Variants in GPCPD1 observed in about 807,000 individuals in gnomAD.
GPCPD1 encodes the protein glycerophosphocholine phosphodiesterase GPCPD1.
GPCPD1 carries 29 observed loss-of-function variants against 89.2 expected under a neutral mutation model. That is an observed-to-expected ratio of 0.33 (90% CI 0.24 to 0.44). The LOEUF (loss-of-function observed/expected upper bound fraction) is 0.44. GPCPD1 is among the 20% of genes least tolerant of loss of function. The pLI, the probability that GPCPD1 is intolerant of heterozygous loss-of-function variation, is 1.00. For synonymous variants in GPCPD1, 258 were observed against 266.3 expected (o/e 0.97, Z 0.30); for missense variants, 594 against 808.9 (o/e 0.73, Z 3.22).
rs1985486246 is a variant in GPCPD1 at position 5,552,594 on chromosome 20, C to A, written c.1830-4744G>T. On this transcript the variant is annotated intron_variant, in intron 19 of 19. Transcript: ENST00000379019. The stretch of plus-strand genomic sequence containing the variant: ...AATCATTCCTTGTAACAAAAATACA[C>A]ATATAACCATATACATTCAAAAATT... 2.0e-5 allele frequency among the ~76,000 whole-genome samples: 3 copies of A among 152,298 alleles called. No homozygotes were observed. In the South Asian group the frequency reaches 6.2e-4, roughly 32 times the overall value.
intron 1 of GPCPD1, among the ~76,000 whole-genome samples, chr20:5,610,446 G>C (rs1980889377): frequency 6.6e-6 from 1 of 152,056 alleles, no homozygotes; most frequent in Non-Finnish European, 1.5e-5. Context: ...GGCCGCTGTG[G>C]GGCAGGGGAT....
Position 5,552,692 on chromosome 20 carries a change from T to A in GPCPD1, c.1830-4842A>T, listed in dbSNP as rs117620785. 7.6e-3 allele frequency among the ~76,000 whole-genome samples: 1,153 copies of A among 152,378 alleles called. 9 individuals carry two copies. Among genetic ancestry groups the A allele is most frequent in the Non-Finnish European group, 0.013 (897 of 68,038 alleles). On this transcript the variant is annotated intron_variant, in intron 19 of 19. Transcript: ENST00000379019. ...TAGTTGGAAATGCTGAAGAGCGCTA[T>A]GCGTCACTCATGCTATTTCATGCAA...
chr20:5,551,310 A>G (rs775174103), intron 19 of GPCPD1, among the ~76,000 whole-genome samples: 3 of 152,220 alleles, frequency 2.0e-5, no homozygotes, highest in Non-Finnish European at 4.4e-5. Context: ...GAAGTATCTA[A>G]AGGACACTTG....
At chr20:5,576,506 T>C (rs1978289306) in intron 8 of GPCPD1, among the ~76,000 whole-genome samples, 1 of 152,082 alleles carries the variant, frequency 6.6e-6, no homozygotes, top group Admixed American at 6.6e-5. Flanking sequence ...GGGGTAGAAC[T>C]GATAAGAGAT....
At chr20:5,569,400 T>C (rs1188623179) in intron 12 of GPCPD1, among the ~76,000 whole-genome samples, 1 of 152,234 alleles carries the variant, frequency 6.6e-6, no homozygotes, top group Admixed American at 6.5e-5. Context: ...TTACATAGTA[T>C]ACTGACGTTT....
At chr20:5,603,022 G>A (rs11087687) in intron 2 of GPCPD1, among the ~76,000 whole-genome samples, 21,413 of 150,336 alleles carry the variant, frequency 0.14, 1,701 homozygotes, top group South Asian at 0.19. Flanking sequence ...GGCTGGGCAC[G>A]GTGGCTCCTA....
At chr20:5,561,643 A>G in intron 15 of GPCPD1, 113 bp from the exon 16 acceptor site, 1 of 589,988 alleles carries the variant, frequency 1.7e-6, no homozygotes. Flanking sequence ...ATTAGTAGCA[A>G]TAAAATGTTT....
chr20:5,548,127 G>A (rs1985138328), intron 19 of GPCPD1: 1 of 208,986 alleles, frequency 4.8e-6, no homozygotes, highest in Non-Finnish European at 9.5e-6. Context: ...AAAATGAAAT[G>A]TCTAGTTTAC....
At chr20:5,562,062 A>C (rs1489693548) in intron 15 of GPCPD1, among the ~76,000 whole-genome samples, 2 of 152,244 alleles carry the variant, frequency 1.3e-5, no homozygotes, top group Non-Finnish European at 2.9e-5. Context: ...AAAAAGTTAT[A>C]ATTTATATAA....
intron 2 of GPCPD1, among the ~76,000 whole-genome samples, chr20:5,601,808 C>T (rs1217522377): frequency 6.6e-6 from 1 of 152,312 alleles, no homozygotes. Context: ...CAGTGGTTCA[C>T]TTGCCTCTTA....
rs1417056644 is a variant in GPCPD1, at chr20:5,575,720, TATTA to T, written c.868+92_868+95del. 30 of 949,924 alleles carry T rather than the reference TATTA, an allele frequency of 3.2e-5. No individual in the cohort carries two copies. The East Asian group carries it at 6.9e-4, about 22-fold the overall frequency. The allele number at this position is 949,924 out of a possible 1,614,324, so 58.8% of individuals were successfully genotyped here. A position where few individuals can be genotyped will look rare whatever the true frequency, so the allele number is the denominator to read the frequency against. On this transcript the variant is annotated intron_variant, in intron 9 of 19. Transcript: ENST00000379019. ...TCCTTAAATTGATACTAAAGCAAAT[TATTA>T]ATTTCATCTTTATCATTATCAAATA...
intron 12 of GPCPD1, among the ~76,000 whole-genome samples, chr20:5,568,844 T>TGGA (rs1986547082): frequency 6.6e-6 from 1 of 151,964 alleles, no homozygotes; most frequent in African/African-American, 2.4e-5. Flanking sequence ...ACCCAGGAGG[T>TGGA]GGAGGTTGAG....
At chr20:5,589,088 T>C in intron 4 of GPCPD1, among the ~76,000 whole-genome samples, 1 of 152,134 alleles carries the variant, frequency 6.6e-6, no homozygotes, top group East Asian at 1.9e-4. Flanking sequence ...TAAAACCACC[T>C]AGACTTGAAT....
intron 16 of GPCPD1, 51 bp from the exon 17 acceptor site, chr20:5,560,127 G>A (rs376303745): frequency 1.7e-5 from 23 of 1,330,984 alleles, no homozygotes; most frequent in East Asian, 7.9e-5. Flanking sequence ...TAAAATCAGT[G>A]CTAGCAACTC....
Position 5,558,754 on chromosome 20 carries a change from G to A in GPCPD1, c.1598C>T (p.Pro533Leu), listed in dbSNP as rs973976269. 1.3e-6 allele frequency: 2 copies of A among 1,598,364 alleles called. No individual in the cohort carries two copies. Among genetic ancestry groups the A allele is most frequent in the Non-Finnish European group, 8.5e-7 (1 of 1,170,592 alleles). ...FLTQGKSEIYPELMDLRSRTT... is the reference protein window; with the variant it reads ...FLTQGKSEIYLELMDLRSRTT... The stretch of plus-strand genomic sequence containing the variant: ...CCGAGATCTGAGGTCCATGAGTTCA[G>A]GATAAATCTCAGATTTTCCTTGAGT... The change falls in exon 18 of 20, where the codon CCT becomes CTT. Residue 533 changes from proline to leucine, a missense_variant. Transcript: ENST00000379019.
chr20:5,561,751 G>A (rs1986093924), intron 15 of GPCPD1, among the ~76,000 whole-genome samples: 2 of 152,208 alleles, frequency 1.3e-5, no homozygotes, highest in South Asian at 4.1e-4. Flanking sequence ...AGCAAAAGCA[G>A]GAGTCTCAGG....
At chr20:5,569,670 T>C (rs1986596520) in intron 12 of GPCPD1, among the ~76,000 whole-genome samples, 1 of 152,134 alleles carries the variant, frequency 6.6e-6, no homozygotes. Context: ...CCTTTTCAGC[T>C]AAAAAGTATT....
At chr20:5,573,338 G>A (rs1016299005) in intron 11 of GPCPD1, among the ~76,000 whole-genome samples, 3 of 151,968 alleles carry the variant, frequency 2.0e-5, no homozygotes, top group Non-Finnish European at 2.9e-5. Context: ...TGCCCATCTC[G>A]GCCTCCCAAA....
At chr20:5,561,649 T>C (rs2122584772) in intron 15 of GPCPD1, 119 bp from the exon 16 acceptor site, 1 of 580,200 alleles carries the variant, frequency 1.7e-6, no homozygotes, top group East Asian at 2.9e-5. Context: ...AGCAATAAAA[T>C]GTTTTGTGCA....
Sources: gnomAD v4.1 joint callset for allele counts (sites outside exome capture counted in the v4.1 genomes callset) on GRCh38, gnomAD v4.1.1 for gene constraint, MANE v1.5 for transcripts, NCBI Gene and HGNC (gene_info 2026-07-23, HGNC 2026-07-21) for gene names.